Variants in TAS2R1 observed in about 807,000 individuals in gnomAD.
TAS2R1 encodes the protein taste 2 receptor member 1.
For synonymous variants in TAS2R1, 141 were observed against 134.2 expected, an observed-to-expected ratio of 1.05 and a Z score of -0.35; for missense variants, 370 against 353.4, an observed-to-expected ratio of 1.05 and a Z score of -0.38.
intron 2 of TAS2R1, among the ~76,000 whole-genome samples, chr5:9,637,943 G>A (rs1018933743): frequency 1.3e-5 from 2 of 152,058 alleles, no homozygotes; most frequent in Non-Finnish European, 2.9e-5. Context: ...GTTCTTCTTG[G>A]TTTGGATCCA....
At chr5:9,813,685 GGTCATGGATAACTGTAAATAAA>G in the TAS2R1 span, among the ~76,000 whole-genome samples, 2 of 152,258 alleles carry the variant, frequency 1.3e-5, no homozygotes, top group Non-Finnish European at 2.9e-5. Flanking sequence ...ATTGCATAAA[GGTCATGGATAACTGTAAATAAA>G]GTCATATATG....
chr5:9,755,288 A>G, the TAS2R1 span, among the ~76,000 whole-genome samples: 1 of 152,154 alleles, frequency 6.6e-6, no homozygotes, highest in African/African-American at 2.4e-5. Context: ...CTTTATTAAG[A>G]AAGTAAAGAA....
At chr5:9,863,625 C>A in the TAS2R1 span, among the ~76,000 whole-genome samples, 1 of 152,184 alleles carries the variant, frequency 6.6e-6, no homozygotes, top group African/African-American at 2.4e-5. Flanking sequence ...AATGCTGGAA[C>A]CTAACCCCGT....
At chr5:9,633,633 T>G (rs966046856), upstream of TAS2R1, among the ~76,000 whole-genome samples, 2 of 152,088 alleles carry the variant, frequency 1.3e-5, no homozygotes, top group Non-Finnish European at 1.5e-5. Flanking sequence ...GTTTTAATTG[T>G]GGCCATTCTT....
chr5:9,855,173 C>G, the TAS2R1 span, among the ~76,000 whole-genome samples: 1 of 152,178 alleles, frequency 6.6e-6, no homozygotes, highest in South Asian at 2.1e-4. Context: ...ATCAGGGAGT[C>G]CCTCACATAG....
the TAS2R1 span, among the ~76,000 whole-genome samples, chr5:9,833,653 C>T: frequency 6.6e-6 from 1 of 152,014 alleles, no homozygotes; most frequent in Non-Finnish European, 1.5e-5. Context: ...AAGAAAAATA[C>T]TTGTGTGGTA....
At chr5:9,864,754 A>G in the TAS2R1 span, among the ~76,000 whole-genome samples, 1 of 152,076 alleles carries the variant, frequency 6.6e-6, no homozygotes, top group Non-Finnish European at 1.5e-5. Context: ...GGAATGGTAA[A>G]AAGTACATTC....
chr5:9,784,322 T>G, the TAS2R1 span, among the ~76,000 whole-genome samples: 1 of 152,236 alleles, frequency 6.6e-6, no homozygotes, highest in Non-Finnish European at 1.5e-5. Flanking sequence ...GCCCTTGGGC[T>G]CTCATACATC....
intron 1 of TAS2R1, among the ~76,000 whole-genome samples, chr5:9,664,365 T>A (rs1740591345): frequency 6.6e-6 from 1 of 152,232 alleles, no homozygotes. Flanking sequence ...ATGCATTTGA[T>A]GCAGAAACAG....
At chr5:9,726,079 G>A in the TAS2R1 span, among the ~76,000 whole-genome samples, 2 of 151,948 alleles carry the variant, frequency 1.3e-5, no homozygotes, top group African/African-American at 4.8e-5. Flanking sequence ...AACTACTCTG[G>A]TGGGGCCTTG....
chr5:9,846,275 A>G, the TAS2R1 span, among the ~76,000 whole-genome samples: 1 of 152,196 alleles, frequency 6.6e-6, no homozygotes, highest in Admixed American at 6.5e-5. Flanking sequence ...TAATTACTGC[A>G]TATTGTTTCC....
chr5:9,631,307 A>G (rs963035800), upstream of TAS2R1, among the ~76,000 whole-genome samples: 1 of 152,210 alleles, frequency 6.6e-6, no homozygotes, highest in Admixed American at 6.5e-5. Context: ...TGGTATAATC[A>G]CAGCTCACTG....
chr5:9,820,396 A>G, the TAS2R1 span, among the ~76,000 whole-genome samples: 3 of 152,220 alleles, frequency 2.0e-5, no homozygotes, highest in African/African-American at 7.2e-5. Context: ...TCATTGTGGA[A>G]TTATTTATTA....
chr5:9,714,304 G>A (rs1257369392), upstream of TAS2R1: 1 of 152,168 alleles, frequency 6.6e-6, no homozygotes, highest in African/African-American at 2.4e-5. Flanking sequence ...CCACATCAGC[G>A]TTCATGATAA....
In TAS2R1 at chr5:9,672,098, T is replaced by C. The variant is rs143102715; in HGVS notation, c.-241-12517A>G. On this transcript the variant is annotated intron_variant, in intron 1 of 2. Coordinates refer to the TAS2R1 transcript ENST00000506620. Reference sequence around the variant, plus strand: ...TAACTGATTAGCCATATGTAGAAGATTGATGCCGGACCCCTTCCTTACATC... The same window carrying C: ...TAACTGATTAGCCATATGTAGAAGACTGATGCCGGACCCCTTCCTTACATC... Among the ~76,000 whole-genome samples, 183 of 152,252 alleles carry C rather than the reference T, an allele frequency of 1.2e-3. 2 individuals are homozygous for C. Among genetic ancestry groups the C allele is most frequent in the African/African-American group, 4.1e-3 (169 of 41,568 alleles).
chr5:9,895,194 T>C, the TAS2R1 span, among the ~76,000 whole-genome samples: 1 of 152,194 alleles, frequency 6.6e-6, no homozygotes, highest in African/African-American at 2.4e-5. Context: ...ATTAAGGCAG[T>C]ATGGCTTCTG....
At chr5:9,702,575 C>A (rs1741511236) in intron 1 of TAS2R1, among the ~76,000 whole-genome samples, 1 of 152,142 alleles carries the variant, frequency 6.6e-6, no homozygotes, top group African/African-American at 2.4e-5. Context: ...TGAGCCTGGC[C>A]TAAATTGTCA....
the TAS2R1 span, among the ~76,000 whole-genome samples, chr5:9,743,690 C>T: frequency 2.0e-5 from 3 of 152,108 alleles, no homozygotes; most frequent in South Asian, 2.1e-4. Context: ...AGCAATGTCA[C>T]GAATTGTACA....
the TAS2R1 span, among the ~76,000 whole-genome samples, chr5:9,758,843 A>C: frequency 6.6e-6 from 1 of 152,210 alleles, no homozygotes; most frequent in African/African-American, 2.4e-5. Flanking sequence ...TGGGGCTTCT[A>C]AACTAATATA....
Sources: gnomAD v4.1 joint callset for allele counts (sites outside exome capture counted in the v4.1 genomes callset) on GRCh38, gnomAD v4.1.1 for gene constraint, MANE v1.5 for transcripts, NCBI Gene and HGNC (gene_info 2026-07-23, HGNC 2026-07-21) for gene names.